Variants in BPNT1 observed in about 807,000 individuals in gnomAD.
BPNT1 encodes the protein 3'(2'),5'-bisphosphate nucleotidase 1.
Under a neutral mutation model 36.9 loss-of-function variants are expected in BPNT1, and 28 were observed. The ratio of observed to expected loss-of-function variants is 0.76; its 90% confidence interval spans 0.56 to 1.04. BPNT1 has a LOEUF of 1.04. Among genes scored for constraint, BPNT1 ranks in the 50% least tolerant of loss-of-function variants. BPNT1 has a pLI of 0.00. For missense variants in BPNT1, 313 were observed against 372.9 expected (o/e 0.84, Z 1.32); for synonymous variants, 119 against 130.9 (o/e 0.91, Z 0.62).
rs1662703733 is a variant in BPNT1 at position 220,058,272 on chromosome 1, C to T, written c.*572G>A. On this transcript the variant is annotated 3_prime_UTR_variant, in exon 9 of 9. Coordinates refer to ENST00000322067, the MANE Select transcript of BPNT1 (RefSeq NM_006085.6). ...GAACTAAAGCTTTTTCTCATTTCTC[C>T]ACCTAAATACAGGAAAACAAATATA... 4.0e-6 allele frequency: 4 copies of T among 988,844 alleles called. No homozygotes were observed. Among genetic ancestry groups the T allele is most frequent in the African/African-American group, 1.7e-5 (1 of 57,262 alleles). 61.3% of individuals were successfully genotyped at this position (988,844 alleles called of 1,614,324 possible).
chr1:220,078,891 G>T (rs984223549), intron 2 of BPNT1, among the ~76,000 whole-genome samples: 22 of 151,976 alleles, frequency 1.4e-4, no homozygotes, highest in Non-Finnish European at 4.4e-5. Context: ...CACCGCACCC[G>T]GTCAGAAGAT....
chr1:220,073,424 G>A (rs1664256682), intron 3 of BPNT1, among the ~76,000 whole-genome samples: 1 of 152,004 alleles, frequency 6.6e-6, no homozygotes, highest in African/African-American at 2.4e-5. Flanking sequence ...GAGTAGCTGG[G>A]ATTACAGGCA....
Position 220,068,393 on chromosome 1 carries a change from A to G in BPNT1, c.382+991T>C, listed in dbSNP as rs573259458. Among the ~76,000 whole-genome samples, 5 of 151,386 alleles carry G rather than the reference A, an allele frequency of 3.3e-5. No homozygotes were observed. The East Asian group carries it at 1.0e-3, about 30-fold the overall frequency. On this transcript the variant is annotated intron_variant, in intron 5 of 8. Coordinates refer to ENST00000322067, the MANE Select transcript of BPNT1 (RefSeq NM_006085.6). Reference sequence around the variant, plus strand: ...GAGAAGGTGTTTCACCATGTTGGCCAGGCTGGTCTTGAACTTCCGACCTAA... The same window carrying G: ...GAGAAGGTGTTTCACCATGTTGGCCGGGCTGGTCTTGAACTTCCGACCTAA...
At chr1:220,063,235 C>G (rs1450610453) in intron 6 of BPNT1, among the ~76,000 whole-genome samples, 1 of 152,080 alleles carries the variant, frequency 6.6e-6, no homozygotes, top group African/African-American at 2.4e-5. Flanking sequence ...GTAGTCCCAG[C>G]TACTTGGGAG....
At chr1:220,083,027 A>G (rs529328688) in intron 1 of BPNT1, among the ~76,000 whole-genome samples, 3 of 151,792 alleles carry the variant, frequency 2.0e-5, no homozygotes, top group Non-Finnish European at 4.4e-5. Context: ...TCACTAGGTC[A>G]GGAGTTCGAG....
rs1662710697 is a variant in BPNT1 at position 220,058,392 on chromosome 1, A to G, written c.*452T>C. On this transcript the variant is annotated 3_prime_UTR_variant, in exon 9 of 9. Coordinates refer to ENST00000322067, the MANE Select transcript of BPNT1 (RefSeq NM_006085.6). ...ATTCTATTTTCTATTCCTAAATATA[A>G]TAACTAAATATAAATCACTGCTCAA... The G allele has an allele frequency of 3.1e-5, 30 of 964,830 alleles. No homozygotes were observed. Among genetic ancestry groups the G allele is most frequent in the Non-Finnish European group, 3.6e-5 (29 of 810,224 alleles). 59.8% of individuals were successfully genotyped at this position (964,830 alleles called of 1,614,324 possible). A position where few individuals can be genotyped will look rare whatever the true frequency, so the allele number is the denominator to read the frequency against.
In BPNT1 at chr1:220,066,005, G is replaced by A. The variant is rs562689796; in HGVS notation, c.474+1297C>T. 3.3e-6 allele frequency: 4 copies of A among 1,209,474 alleles called. No individual in the cohort carries two copies. In the African/African-American group the frequency reaches 4.6e-5, roughly 14 times the overall value. The allele number at this position is 1,209,474 out of a possible 1,614,324, so 74.9% of individuals were successfully genotyped here. A position where few individuals can be genotyped will look rare whatever the true frequency, so the allele number is the denominator to read the frequency against. On this transcript the variant is annotated intron_variant, in intron 6 of 8. Coordinates refer to ENST00000322067, the MANE Select transcript of BPNT1 (RefSeq NM_006085.6). ...ATGTGGGATGTACAATGACCACCTG[G>A]GGTACCACAAGTTGCCTGCTTCTTT... is the stretch of plus-strand genomic sequence containing the variant.
chr1:220,081,178 C>G (rs1479233161), intron 1 of BPNT1, among the ~76,000 whole-genome samples: 1 of 152,118 alleles, frequency 6.6e-6, no homozygotes, highest in African/African-American at 2.4e-5. Context: ...CTCGTGATCC[C>G]CCCCCTTGGC....
rs1662683213 is a variant in BPNT1, at chr1:220,058,039, T to C, written c.*805A>G. ...AAAAATACAAAAAATTAGCCAGGCGTGGTGGCGGTGCCTGCAGTCCCAGCT... is the reference window on the plus strand; with the variant it reads ...AAAAATACAAAAAATTAGCCAGGCGCGGTGGCGGTGCCTGCAGTCCCAGCT... On this transcript the variant is annotated 3_prime_UTR_variant, in exon 9 of 9. Transcript: ENST00000322067. 1.8e-6 allele frequency: 1 copy of C among 564,334 alleles called. No individual in the cohort carries two copies. Among genetic ancestry groups the C allele is most frequent in the Admixed American group, 4.3e-5 (1 of 23,398 alleles). The allele number at this position is 564,334 out of a possible 1,614,324, so 35.0% of individuals were successfully genotyped here.
chr1:220,078,543 T>TTATATTTATA (rs1441495242), intron 2 of BPNT1, among the ~76,000 whole-genome samples: 13 of 139,382 alleles, frequency 9.3e-5, no homozygotes, highest in African/African-American at 3.1e-4. Context: ...ATTATATATA[T>TTATATTTATA]TATAATTATA....
Position 220,058,793 on chromosome 1 carries a change from T to C in BPNT1, c.*51A>G. 6.4e-7 allele frequency: 1 copy of C among 1,558,544 alleles called. No individual in the cohort carries two copies. Among genetic ancestry groups the C allele is most frequent in the African/African-American group, 1.4e-5 (1 of 73,708 alleles). ...ATCCACCTGCCTCGGCCTCCCAAAG[T>C]GCTGGGATTACAGGCATGAGCCACC... On this transcript the variant is annotated 3_prime_UTR_variant, in exon 9 of 9. Coordinates refer to ENST00000322067, the MANE Select transcript of BPNT1 (RefSeq NM_006085.6).
chr1:220,062,932 C>T lies in BPNT1; in HGVS notation c.497G>A (p.Gly166Glu). The change falls in exon 7 of 9, where the codon GGG becomes GAG. Residue 166 changes from glycine to glutamate, a missense_variant. Physicochemically the swap from Gly to Glu is moderately conservative, Grantham distance 98. Coordinates refer to ENST00000322067, the MANE Select transcript of BPNT1 (RefSeq NM_006085.6). ...ACCTAAAACTCCCCAGATTGTCCTCCCCAACACAGCATCTGGTCCTGCCTG... is the reference window on the plus strand; with the variant it reads ...ACCTAAAACTCCCCAGATTGTCCTCTCCAACACAGCATCTGGTCCTGCCTG... ...NYEAGPDAVL[G>E]RTIWGVLGLG... 2 of 1,614,142 alleles carry T rather than the reference C, an allele frequency of 1.2e-6. No homozygotes were observed. The highest frequency in any genetic ancestry group is 2.2e-5 in the South Asian group (2 of 91,078).
At chr1:220,076,169 C>T (rs927687897) in intron 2 of BPNT1, among the ~76,000 whole-genome samples, 2 of 152,000 alleles carry the variant, frequency 1.3e-5, no homozygotes, top group East Asian at 3.9e-4. Flanking sequence ...GAGTTCGAGA[C>T]CAGCCTGACC....
chr1:220,070,724 A>C (rs979193744), intron 4 of BPNT1, among the ~76,000 whole-genome samples: 1 of 150,462 alleles, frequency 6.6e-6, no homozygotes, highest in African/African-American at 2.4e-5. Flanking sequence ...AGCCTCCCAA[A>C]GTGCTGGGAT....
At chr1:220,062,690 T>G in intron 7 of BPNT1, 67 bp downstream of exon 7, 1 of 1,548,850 alleles carries the variant, frequency 6.5e-7, no homozygotes, top group Non-Finnish European at 8.9e-7. Flanking sequence ...TTATTTCATG[T>G]TTTTAGAAGT....
intron 6 of BPNT1, chr1:220,065,993 A>G: frequency 9.3e-7 from 1 of 1,078,840 alleles, no homozygotes. Flanking sequence ...TGGGATGTAC[A>G]ATGACCACCT....
At chr1:220,071,299 T>C (rs1571760894) in intron 4 of BPNT1, among the ~76,000 whole-genome samples, 1 of 152,054 alleles carries the variant, frequency 6.6e-6, no homozygotes, top group African/African-American at 2.4e-5. Context: ...AAGTCACAGG[T>C]TTAACTTAAG....
intron 1 of BPNT1, among the ~76,000 whole-genome samples, chr1:220,081,404 A>T (rs1229996920): frequency 2.0e-5 from 3 of 151,992 alleles, no homozygotes; most frequent in Non-Finnish European, 4.4e-5. Context: ...TTAGCTGGGC[A>T]TGGTGTTGCA....
intron 1 of BPNT1, among the ~76,000 whole-genome samples, chr1:220,082,776 G>C (rs1211501898): frequency 6.6e-6 from 1 of 151,514 alleles, no homozygotes; most frequent in South Asian, 2.1e-4. Context: ...TAGTAGAGAC[G>C]GGGATTCACC....
Sources: allele counts gnomAD v4.1 joint callset (sites outside exome capture counted in the v4.1 genomes callset), GRCh38; gene constraint gnomAD v4.1.1; transcripts MANE v1.5; gene names NCBI Gene and HGNC (gene_info 2026-07-23, HGNC 2026-07-21).